Variants in EPHB2 observed in about 807,000 individuals in gnomAD.
EPHB2 encodes the protein EPH receptor B2, also known as ephrin type-B receptor 2.
In EPHB2, 18 loss-of-function variants were observed where a neutral mutation model predicts 96.4. The ratio of observed to expected loss-of-function variants is 0.19; its 90% CI spans 0.13 to 0.28. The LOEUF is 0.28. Ranked by LOEUF, EPHB2 falls within the 10% of genes least tolerant of loss-of-function variation. EPHB2 has a pLI of 1.00. For synonymous variants in EPHB2, 506 were observed against 534.1 expected (o/e 0.95, Z 0.72); for missense variants, 989 against 1,355.4 (o/e 0.73, Z 4.25).
rs142614065 is a variant in EPHB2 at position 22,847,974 on chromosome 1, C to T, written c.812-15063C>T. Among the ~76,000 whole-genome samples the T allele has an allele frequency of 1.9e-4, 29 of 152,270 alleles. No individual in the cohort carries two copies. The East Asian group carries it at 5.4e-3, about 28-fold the overall frequency. Reference sequence around the variant, plus strand: ...CCCTAGCTAATCATACTCTCTCTCCCCTGCTAGACGGTGAGCCTCAAGGCC... The same window carrying T: ...CCCTAGCTAATCATACTCTCTCTCCTCTGCTAGACGGTGAGCCTCAAGGCC... On this transcript the variant is annotated intron_variant, in intron 3 of 15. Coordinates refer to ENST00000374630, the MANE Select transcript of EPHB2 (RefSeq NM_017449.5).
At chr1:22,880,191 A>G (rs10799771) in intron 5 of EPHB2, among the ~76,000 whole-genome samples, 24,404 of 152,108 alleles carry the variant, frequency 0.16, 2,768 homozygotes, top group East Asian at 0.62. Flanking sequence ...TCACACAGCC[A>G]GTTAGCAGCA....
rs1638329861 is a variant in EPHB2, at chr1:22,863,073, A to G, written c.848A>G (p.Asp283Gly). The change falls in exon 4 of 16, where the codon GAT becomes GGT. Residue 283 changes from aspartate to glycine, a missense_variant. Asp to Gly is a moderately conservative substitution (Grantham distance 94, BLOSUM62 -1). Transcript: ENST00000374630. ...GGGACTTTCAAGGCCAACCAAGGGG[A>G]TGAGGCCTGTACCCACTGTCCCATC... ...PSGTFKANQG[D>G]EACTHCPINS... 6.2e-7 allele frequency: 1 copy of G among 1,613,958 alleles called. No homozygotes were observed. Among genetic ancestry groups the G allele is most frequent in the African/African-American group, 1.3e-5 (1 of 74,880 alleles).
intron 3 of EPHB2, among the ~76,000 whole-genome samples, chr1:22,809,104 G>A (rs1044169818): frequency 1.1e-4 from 16 of 152,210 alleles, no homozygotes; most frequent in Non-Finnish European, 2.2e-4. Context: ...ACAGCTTCCC[G>A]GCGGTGCCTC....
At chr1:22,876,640 C>T (rs553381146) in intron 5 of EPHB2, among the ~76,000 whole-genome samples, 2 of 152,346 alleles carry the variant, frequency 1.3e-5, no homozygotes, top group East Asian at 1.9e-4. Context: ...CCCCATCCCC[C>T]TGTCAGCGTG....
chr1:22,888,108 G>A (rs1044284961), intron 6 of EPHB2, among the ~76,000 whole-genome samples: 2 of 152,110 alleles, frequency 1.3e-5, no homozygotes, highest in African/African-American at 2.4e-5. Context: ...GTGTCATGAC[G>A]CAAGCTCACT....
chr1:22,762,216 G>A (rs1644245201), intron 1 of EPHB2, among the ~76,000 whole-genome samples: 1 of 152,188 alleles, frequency 6.6e-6, no homozygotes, highest in Non-Finnish European at 1.5e-5. Context: ...GGCTGCTGGG[G>A]ACCCCCAATT....
chr1:22,745,480 TTGAG>T (rs1643959669), intron 1 of EPHB2, among the ~76,000 whole-genome samples: 1 of 152,174 alleles, frequency 6.6e-6, no homozygotes, highest in Admixed American at 6.5e-5. Context: ...GAGGAACTTT[TTGAG>T]TGGTAGTTAC....
chr1:22,721,090 T>C (rs1557635147), intron 1 of EPHB2, among the ~76,000 whole-genome samples: 1 of 152,192 alleles, frequency 6.6e-6, no homozygotes, highest in Non-Finnish European at 1.5e-5. Context: ...TGACTGGTTG[T>C]CACTCCCACC....
At chr1:22,822,722 G>T (rs1167506300) in intron 3 of EPHB2, among the ~76,000 whole-genome samples, 2 of 152,230 alleles carry the variant, frequency 1.3e-5, no homozygotes, top group Non-Finnish European at 2.9e-5. Context: ...TGGCATCTGG[G>T]CCAGAGCCTG....
At chr1:22,836,797 A>G (rs529824442) in intron 3 of EPHB2, 1 of 152,322 alleles carries the variant, frequency 6.6e-6, no homozygotes, top group Non-Finnish European at 1.5e-5. Context: ...TCTTCTGTCC[A>G]ATGGACAAAG....
intron 11 of EPHB2, among the ~76,000 whole-genome samples, chr1:22,907,278 G>T (rs1326443006): frequency 6.6e-6 from 1 of 152,190 alleles, no homozygotes; most frequent in East Asian, 1.9e-4. Context: ...ATTATGCACA[G>T]GAGAAAACGG....
chr1:22,792,648 C>T lies in EPHB2; in HGVS notation c.811+7572C>T, dbSNP rs999073177. Among the ~76,000 whole-genome samples the T allele has an allele frequency of 8.5e-5, 13 of 152,292 alleles. No individual in the cohort carries two copies. The East Asian group carries it at 2.5e-3, about 29-fold the overall frequency. ...TCAGACATCCACTGAAATCATTCAG[C>T]TCTTGATTTTTCTTCTTCTTGGAGG... On this transcript the variant is annotated intron_variant, in intron 3 of 15. Coordinates refer to ENST00000374630, the MANE Select transcript of EPHB2 (RefSeq NM_017449.5).
chr1:22,802,244 T>G (rs1258726199), intron 3 of EPHB2, among the ~76,000 whole-genome samples: 1 of 152,036 alleles, frequency 6.6e-6, no homozygotes, highest in Non-Finnish European at 1.5e-5. Flanking sequence ...TGGTTCCCCA[T>G]TTGAGGGTTG....
chr1:22,713,388 A>G (rs1171744242), intron 1 of EPHB2, among the ~76,000 whole-genome samples: 2 of 152,022 alleles, frequency 1.3e-5, no homozygotes, highest in Non-Finnish European at 2.9e-5. Context: ...CTGGCTAAAT[A>G]TCTTGTAGAG....
chr1:22,800,787 C>T (rs1172410315), intron 3 of EPHB2, among the ~76,000 whole-genome samples: 1 of 151,644 alleles, frequency 6.6e-6, no homozygotes, highest in Non-Finnish European at 1.5e-5. Flanking sequence ...CACACACACA[C>T]ACACACACAC....
intron 5 of EPHB2, among the ~76,000 whole-genome samples, chr1:22,865,638 C>T (rs1638447546): frequency 6.6e-6 from 1 of 152,196 alleles, no homozygotes; most frequent in South Asian, 2.1e-4. Flanking sequence ...AGCTGAGTCT[C>T]AGGCATGTCT....
chr1:22,772,332 A>G (rs757727846), intron 1 of EPHB2, among the ~76,000 whole-genome samples: 1 of 152,116 alleles, frequency 6.6e-6, no homozygotes, highest in Non-Finnish European at 1.5e-5. Context: ...TAGGCCTGAG[A>G]AAACAAGAGC....
chr1:22,910,454 A>T lies in EPHB2; in HGVS notation c.2575A>T (p.Met859Leu). 6.2e-7 allele frequency: 1 copy of T among 1,614,148 alleles called. No homozygotes were observed. The highest frequency in any genetic ancestry group is 1.1e-5 in the South Asian group (1 of 91,084). ...MDCPSALHQL[M>L]LDCWQKDRNH... ...CTGCCCGAGCGCCCTGCACCAACTC[A>T]TGCTGGACTGTTGGCAGAAGGACCG... Residue 859 changes from methionine (M) to leucine (L), a missense_variant, in exon 14 of 16, where the codon ATG (methionine) becomes TTG (leucine). Coordinates refer to ENST00000374630, the MANE Select transcript of EPHB2 (RefSeq NM_017449.5).
intron 6 of EPHB2, among the ~76,000 whole-genome samples, chr1:22,884,170 G>C (rs893770835): frequency 2.0e-5 from 3 of 152,190 alleles, no homozygotes; most frequent in African/African-American, 7.2e-5. Context: ...GGAATGAATT[G>C]TGTGAATGAA....
Sources: allele counts gnomAD v4.1 joint callset (sites outside exome capture counted in the v4.1 genomes callset), GRCh38; gene constraint gnomAD v4.1.1; transcripts MANE v1.5; gene names NCBI Gene and HGNC (gene_info 2026-07-23, HGNC 2026-07-21).